Variants in ZP2 observed in about 807,000 individuals in gnomAD.
ZP2 encodes the protein zona pellucida sperm-binding protein 2.
Under a neutral mutation model 84.0 loss-of-function variants are expected in ZP2, and 51 were observed. The observed-to-expected ratio is 0.61, with a 90% CI of 0.49 to 0.77. The LOEUF (loss-of-function observed/expected upper bound fraction) is 0.77. ZP2 is among the 30% of genes least tolerant of loss of function. The pLI, the probability that ZP2 is intolerant of heterozygous loss-of-function variation, is 0.00. For synonymous variants in ZP2, 375 were observed against 330.9 expected, an observed-to-expected ratio of 1.13 and a Z score of -1.45; for missense variants, 909 against 911.9, an observed-to-expected ratio of 1.00 and a Z score of 0.04.
chr16:21,203,247 G>T lies in ZP2; in HGVS notation c.977C>A (p.Ser326Tyr). ...GAACTGATGGAGTAGGCATTTTTCA[G>T]ATAACTGAAATGAGAAAATGTCAAT... is the stretch of plus-strand genomic sequence containing the variant. The part of the protein sequence containing the change: ...FSKTLLKTKL[S>Y]EKCLLHQFYL... The change falls in exon 10 of 19, where the codon TCT (serine) becomes TAT (tyrosine). Residue 326 changes from serine (S) to tyrosine (Y), a missense_variant. Physicochemically the swap from Ser to Tyr is moderately radical, Grantham distance 144. Coordinates refer to ENST00000574091, the MANE Select transcript of ZP2 (RefSeq NM_001376232.1). The T allele has an allele frequency of 6.2e-7, 1 of 1,613,506 alleles. No individual in the cohort carries two copies. Among genetic ancestry groups the T allele is most frequent in the South Asian group, 1.1e-5 (1 of 91,038 alleles).
At chr16:21,199,099 T>C (rs2093212806) in intron 16 of ZP2, among the ~76,000 whole-genome samples, 1 of 152,068 alleles carries the variant, frequency 6.6e-6, no homozygotes, top group South Asian at 2.1e-4. Context: ...GTGGATCACC[T>C]GAGGTCAGGA....
In ZP2 at chr16:21,210,092, T is replaced by A. The variant is rs756876041; in HGVS notation, c.235+17A>T. On this transcript the variant is annotated intron_variant, in intron 3 of 18. Transcript: ENST00000574091. ...TCTGCTAATCAGGACTATGAGGAGATAACACACGTTACCTACCCACCACAG... is the reference window on the plus strand; with the variant it reads ...TCTGCTAATCAGGACTATGAGGAGAAAACACACGTTACCTACCCACCACAG... The A allele has an allele frequency of 6.2e-6, 10 of 1,610,458 alleles. No homozygotes were observed. In the Admixed American group the frequency reaches 8.3e-5, roughly 13 times the overall value.
At chr16:21,211,423 G>A (rs749817933) in intron 1 of ZP2, 28 bp from the exon 2 acceptor site, 9 of 1,613,936 alleles carry the variant, frequency 5.6e-6, no homozygotes, top group African/African-American at 5.3e-5. Flanking sequence ...GATAGTCAAG[G>A]AAGAATGGAC....
rs770290224 is a variant in ZP2 at position 21,201,699 on chromosome 16, C to T, written c.1504+7G>A. The T allele has an allele frequency of 5.0e-6, 8 of 1,613,930 alleles. No individual in the cohort carries two copies. The African/African-American group carries it at 9.3e-5, about 19-fold the overall frequency. ...TTTAAGCAATTTCACAGACTGCAAT[C>T]TCTTACCTGGGTAGCTTTGCAGGAT... is the stretch of plus-strand genomic sequence containing the variant. On this transcript the variant is annotated splice_region_variant and intron_variant, in intron 13 of 18. Transcript: ENST00000574091.
chr16:21,199,528 C>T, intron 16 of ZP2, 42 bp downstream of exon 16: 1 of 1,489,754 alleles, frequency 6.7e-7, no homozygotes. Context: ...TTGATACTTG[C>T]TTTGAATTAG....
chr16:21,203,298 G>C, intron 9 of ZP2, 47 bp from the exon 10 acceptor site: 1 of 1,606,006 alleles, frequency 6.2e-7, no homozygotes, highest in Non-Finnish European at 8.5e-7. Flanking sequence ...GTTGGGGCCC[G>C]GAACCGTCAC....
chr16:21,199,906 T>C, intron 14 of ZP2, 28 bp from the exon 15 acceptor site: 3 of 1,611,528 alleles, frequency 1.9e-6, no homozygotes, highest in Non-Finnish European at 2.5e-6. Flanking sequence ...GGGAGGGATG[T>C]CAGTCATATG....
rs1233543448 is a variant in ZP2, at chr16:21,206,913, G to T, written c.408C>A (p.Phe136Leu). 6.2e-7 allele frequency: 1 copy of T among 1,614,172 alleles called. No individual in the cohort carries two copies. Among genetic ancestry groups the T allele is most frequent in the Non-Finnish European group, 8.5e-7 (1 of 1,180,008 alleles). ...CTTCTACTTGCATAGCTGGACAGAA[G>T]AACTGATACATGACAGCTCCGTGTC... is the stretch of plus-strand genomic sequence containing the variant. ...ALRHGAVMYQ[F>L]FCPAMQVEET... Residue 136 changes from phenylalanine (F) to leucine (L), a missense_variant, in exon 5 of 19, where the codon TTC (phenylalanine) becomes TTA (leucine). Phe to Leu is a conservative substitution (Grantham distance 22). Coordinates refer to ENST00000574091, the MANE Select transcript of ZP2 (RefSeq NM_001376232.1).
intron 14 of ZP2, 139 bp downstream of exon 14, chr16:21,201,230 G>T: frequency 1.5e-6 from 1 of 657,482 alleles, no homozygotes; most frequent in Non-Finnish European, 2.3e-6. Flanking sequence ...GAAGGCAGAA[G>T]AGTCCCAATT....
chr16:21,201,251 G>T, intron 14 of ZP2, 118 bp downstream of exon 14: 1 of 895,158 alleles, frequency 1.1e-6, no homozygotes, highest in Non-Finnish European at 1.6e-6. Context: ...AGAAAACAAG[G>T]ACTAAATCTG....
rs752330991 is a variant in ZP2 at position 21,211,368 on chromosome 16, G to A, written c.90C>T (p.Phe30=). 14 of 1,614,028 alleles carry A rather than the reference G, an allele frequency of 8.7e-6. No individual in the cohort carries two copies. Among genetic ancestry groups the A allele is most frequent in the Middle Eastern group, 1.6e-4 (1 of 6,082 alleles). Residue 30 remains phenylalanine, a synonymous_variant, in exon 2 of 19, where the codon TTC becomes TTT. Transcript: ENST00000574091. The stretch of plus-strand genomic sequence containing the variant: ...TGGAGTTCCCTGAAGTCACAAGGGC[G>A]AAGAAGAGAGAAATCGACCTGTAGG... The part of the protein sequence containing the change: ...WSTYRSISLF[F]ALVTSGNSID...
At position 21,201,761 on chromosome 16, in the gene ZP2, A is replaced by C. The variant is rs763972093; in HGVS notation, c.1449T>G (p.Pro483=). Residue 483 remains proline, a synonymous_variant, in exon 13 of 19, where the codon CCT becomes CCG. Coordinates refer to ENST00000574091, the MANE Select transcript of ZP2 (RefSeq NM_001376232.1). ...GACCCAACTTCACTGAGGCCACTGG[A>C]GGAGTAAGGCTTTCAACGTTGATGT... ...LLNINVESLT[P]PVASVKLGPF... is the part of the protein sequence containing the mutation. The C allele has an allele frequency of 6.2e-7, 1 of 1,614,124 alleles. No individual in the cohort carries two copies. Among genetic ancestry groups the C allele is most frequent in the Non-Finnish European group, 8.5e-7 (1 of 1,180,020 alleles).
At chr16:21,204,996 T>C (rs1442804900) in intron 7 of ZP2, among the ~76,000 whole-genome samples, 4 of 152,244 alleles carry the variant, frequency 2.6e-5, no homozygotes, top group Non-Finnish European at 5.9e-5. Context: ...GGATTATGTA[T>C]TTTTGAGAAA....
chr16:21,199,674 C>T lies in ZP2; in HGVS notation c.1831-8G>A, dbSNP rs755520181. On this transcript the variant is annotated splice_polypyrimidine_tract_variant and splice_region_variant and intron_variant, in intron 15 of 18. Transcript: ENST00000574091. Reference sequence around the variant, plus strand: ...ACTGCAGTGGAAGTAGACCTGGAGACAGAAGAGAGTTACATGGAATCGATG... The same window carrying T: ...ACTGCAGTGGAAGTAGACCTGGAGATAGAAGAGAGTTACATGGAATCGATG... 2.0e-5 allele frequency: 32 copies of T among 1,610,754 alleles called. No individual in the cohort carries two copies. Among genetic ancestry groups the T allele is most frequent in the South Asian group, 8.8e-5 (8 of 90,872 alleles).
At chr16:21,210,296 G>T in intron 2 of ZP2, 104 bp from the exon 3 acceptor site, 1 of 876,788 alleles carries the variant, frequency 1.1e-6, no homozygotes, top group Non-Finnish European at 1.9e-6. Flanking sequence ...AGATGAGGGA[G>T]GCAAGAATCG....
At position 21,202,153 on chromosome 16, in the gene ZP2, C is replaced by T. The variant is rs1325786563; in HGVS notation, c.1238G>A (p.Gly413Glu). Residue 413 changes from glycine (G) to glutamate (E), a missense_variant, in exon 11 of 19, where the codon GGG becomes GAG. Transcript: ENST00000574091. ...CAGGGGTATGTGGAACCGTACCAGC[C>T]CCTGAGACTGAGCCTCAAAGACAGG... ...CQPVFEAQSQ[G>E]LVRFHIPLNG... 3 of 1,608,356 alleles carry T rather than the reference C, an allele frequency of 1.9e-6. No individual in the cohort carries two copies. Among genetic ancestry groups the T allele is most frequent in the Non-Finnish European group, 2.5e-6 (3 of 1,178,484 alleles).
chr16:21,209,101 A>G (rs2093262803), intron 4 of ZP2, among the ~76,000 whole-genome samples: 1 of 152,156 alleles, frequency 6.6e-6, no homozygotes, highest in Admixed American at 6.5e-5. Context: ...TGCCAGTAGT[A>G]GCTCTTCTAC....
At position 21,197,764 on chromosome 16, in the gene ZP2, A is replaced by G; in HGVS notation, c.2095+2T>C. 1.2e-6 allele frequency: 2 copies of G among 1,614,114 alleles called. No homozygotes were observed. Among genetic ancestry groups the G allele is most frequent in the South Asian group, 1.1e-5 (1 of 91,072 alleles). ...GAAGTTTGCAACATTGAATAAACTTACCTCGTGAGCCAACCTCCTCCCCTG... is the reference window on the plus strand; with the variant it reads ...GAAGTTTGCAACATTGAATAAACTTGCCTCGTGAGCCAACCTCCTCCCCTG... On this transcript the variant is annotated splice_donor_variant, in intron 18 of 18. Coordinates refer to ENST00000574091, the MANE Select transcript of ZP2 (RefSeq NM_001376232.1). LOFTEE classifies it high-confidence loss of function.
chr16:21,206,764 C>T (rs988186778), intron 5 of ZP2, 74 bp downstream of exon 5: 34 of 1,580,010 alleles, frequency 2.2e-5, no homozygotes, highest in Admixed American at 2.0e-4. Context: ...TTCTAAGCCC[C>T]GCCCTGGTTA....
Sources: allele counts gnomAD v4.1 joint callset (sites outside exome capture counted in the v4.1 genomes callset), GRCh38; gene constraint gnomAD v4.1.1; transcripts MANE v1.5; gene names NCBI Gene and HGNC (gene_info 2026-07-23, HGNC 2026-07-21).